RALGAPA2: variants seen among roughly 807,000 people sequenced by gnomAD.
RALGAPA2 encodes the protein ral GTPase-activating protein subunit alpha-2.
A neutral mutation model predicts 230.4 loss-of-function variants in RALGAPA2; 139 were observed. The observed-to-expected ratio is 0.60, with a 90% CI of 0.53 to 0.69. The LOEUF is 0.69. Ranked by LOEUF, RALGAPA2 falls within the 30% of genes least tolerant of loss-of-function variation. The probability of loss-of-function intolerance (pLI) is 0.00; values close to 1 mark genes in which losing one functional copy is unlikely to be tolerated. For synonymous variants in RALGAPA2, 847 were observed against 837.8 expected, an observed-to-expected ratio of 1.01 and a Z score of -0.19; for missense variants, 2,163 against 2,276.0, an observed-to-expected ratio of 0.95 and a Z score of 1.01.
intron 6 of RALGAPA2, among the ~76,000 whole-genome samples, 180 bp from the exon 7 acceptor site, chr20:20,640,080 C>T (rs956920893): frequency 2.6e-5 from 4 of 152,216 alleles, no homozygotes; most frequent in South Asian, 2.1e-4. Context: ...CAGATGCCCA[C>T]GAAGCGCCTT....
chr20:20,415,295 C>T (rs771639926), intron 37 of RALGAPA2, among the ~76,000 whole-genome samples: 5 of 152,216 alleles, frequency 3.3e-5, no homozygotes, highest in Admixed American at 6.5e-5. Context: ...GATCCCTGGA[C>T]GGTCAAAGAC....
chr20:20,427,135 A>G (rs1187541463), intron 37 of RALGAPA2, among the ~76,000 whole-genome samples: 6 of 152,182 alleles, frequency 3.9e-5, no homozygotes, highest in Non-Finnish European at 5.9e-5. Context: ...AAACTAGCAG[A>G]AGACCCAGTT....
intron 31 of RALGAPA2, among the ~76,000 whole-genome samples, chr20:20,514,585 C>T (rs1569456554): frequency 6.6e-6 from 1 of 152,154 alleles, no homozygotes; most frequent in East Asian, 1.9e-4. Flanking sequence ...TACAGTGGAG[C>T]CCATTCCACT....
At chr20:20,517,859 T>C (rs968584968) in intron 31 of RALGAPA2, among the ~76,000 whole-genome samples, 10 of 149,312 alleles carry the variant, frequency 6.7e-5, no homozygotes, top group African/African-American at 1.5e-4. Context: ...CAAGAACAAT[T>C]TGAAGAAACA....
At chr20:20,438,025 C>G (rs1244856608) in intron 37 of RALGAPA2, among the ~76,000 whole-genome samples, 1 of 152,086 alleles carries the variant, frequency 6.6e-6, no homozygotes, top group African/African-American at 2.4e-5. Flanking sequence ...GTCAATGGAC[C>G]CCATGGGGAT....
rs6137054 is a variant in RALGAPA2, at chr20:20,521,462, T to G, written c.3901-362A>C. On this transcript the variant is annotated intron_variant, in intron 30 of 39. Coordinates refer to ENST00000202677, the MANE Select transcript of RALGAPA2 (RefSeq NM_020343.4). Reference sequence around the variant, plus strand: ...AGGCCAATCACGGTGGAGGGTGGAATGAGCACAACAAGCAGAGACCATTAG... The same window carrying G: ...AGGCCAATCACGGTGGAGGGTGGAAGGAGCACAACAAGCAGAGACCATTAG... 1.7e-4 allele frequency among the ~76,000 whole-genome samples: 26 copies of G among 152,078 alleles called. No individual in the cohort carries two copies. The East Asian group carries it at 3.5e-3, about 20-fold the overall frequency.
intron 13 of RALGAPA2, among the ~76,000 whole-genome samples, chr20:20,611,846 G>A (rs2065985389): frequency 6.6e-6 from 1 of 152,202 alleles, no homozygotes; most frequent in African/African-American, 2.4e-5. Flanking sequence ...AACAGGAGGT[G>A]AAGCTGACTT....
intron 23 of RALGAPA2, among the ~76,000 whole-genome samples, chr20:20,561,760 C>G (rs534179080): frequency 6.6e-6 from 1 of 152,188 alleles, no homozygotes; most frequent in Non-Finnish European, 1.5e-5. Context: ...ATTTATATTA[C>G]CTAGCTCTTT....
At chr20:20,645,798 T>C (rs928834889) in intron 4 of RALGAPA2, among the ~76,000 whole-genome samples, 2 of 152,170 alleles carry the variant, frequency 1.3e-5, no homozygotes, top group African/African-American at 4.8e-5. Flanking sequence ...CTCTCATCTG[T>C]AAAATGAGGT....
At chr20:20,668,750 G>C (rs2068040266) in intron 3 of RALGAPA2, among the ~76,000 whole-genome samples, 1 of 152,210 alleles carries the variant, frequency 6.6e-6, no homozygotes, top group Admixed American at 6.5e-5. Flanking sequence ...GAATGGGCCA[G>C]ATGGGGAGAA....
At chr20:20,531,229 A>C (rs1017097383) in intron 27 of RALGAPA2, among the ~76,000 whole-genome samples, 1 of 152,238 alleles carries the variant, frequency 6.6e-6, no homozygotes, top group Non-Finnish European at 1.5e-5. Flanking sequence ...GTGAGTGCCC[A>C]GTGAATGGCA....
At chr20:20,535,169 T>C (rs763124772) in intron 26 of RALGAPA2, among the ~76,000 whole-genome samples, 47 of 152,290 alleles carry the variant, frequency 3.1e-4, no homozygotes, top group Non-Finnish European at 5.4e-4. Context: ...GGTGATCTTA[T>C]GGGGTTTGAA....
chr20:20,519,134 T>G (rs2062961223), intron 31 of RALGAPA2, among the ~76,000 whole-genome samples: 1 of 152,150 alleles, frequency 6.6e-6, no homozygotes. Context: ...TCAGAGTAAA[T>G]AATGCATTTT....
At chr20:20,666,731 A>G (rs1239505833) in intron 3 of RALGAPA2, among the ~76,000 whole-genome samples, 7 of 152,220 alleles carry the variant, frequency 4.6e-5, no homozygotes, top group Non-Finnish European at 1.0e-4. Flanking sequence ...TAGCCATTGT[A>G]TAAAGAAAGA....
chr20:20,452,927 T>C (rs1033639894), intron 37 of RALGAPA2, among the ~76,000 whole-genome samples: 3 of 152,050 alleles, frequency 2.0e-5, no homozygotes, highest in African/African-American at 7.2e-5. Flanking sequence ...GAGCCGTGAG[T>C]TGATGGCACA....
intron 1 of RALGAPA2, among the ~76,000 whole-genome samples, chr20:20,700,398 A>G (rs1034819146): frequency 2.6e-5 from 4 of 152,158 alleles, no homozygotes; most frequent in African/African-American, 9.7e-5. Context: ...AAATCTCAGC[A>G]TCACACAACA....
chr20:20,633,260 G>C (rs561355835), intron 9 of RALGAPA2, among the ~76,000 whole-genome samples: 1 of 151,706 alleles, frequency 6.6e-6, no homozygotes, highest in Admixed American at 6.6e-5. Context: ...TCAGCTTCCC[G>C]AGTAGCTGGG....
intron 23 of RALGAPA2, among the ~76,000 whole-genome samples, chr20:20,563,515 C>T (rs564403602): frequency 1.2e-4 from 18 of 152,300 alleles, no homozygotes; most frequent in Non-Finnish European, 2.1e-4. Context: ...CTTTCCTGCA[C>T]ATTTCTAATT....
intron 37 of RALGAPA2, among the ~76,000 whole-genome samples, chr20:20,465,334 C>T (rs538421499): frequency 1.1e-3 from 170 of 152,154 alleles, no homozygotes; most frequent in African/African-American, 3.7e-3. Flanking sequence ...AGAGCAGAGA[C>T]GACTATGGGA....
Sources: gnomAD v4.1 joint callset for allele counts (sites outside exome capture counted in the v4.1 genomes callset) on GRCh38, gnomAD v4.1.1 for gene constraint, MANE v1.5 for transcripts, NCBI Gene and HGNC (gene_info 2026-07-23, HGNC 2026-07-21) for gene names.